Variants in BCKDHB observed in about 807,000 individuals in gnomAD.
The protein encoded by BCKDHB is branched chain keto acid dehydrogenase E1 subunit beta, also known as 2-oxoisovalerate dehydrogenase subunit beta, mitochondrial.
Under a neutral mutation model 48.5 loss-of-function variants are expected in BCKDHB, and 41 were observed. The observed-to-expected ratio is 0.85, with a 90% CI of 0.66 to 1.10. The LOEUF is 1.10. Ranked by LOEUF, BCKDHB falls within the 50% of genes least tolerant of loss-of-function variation. BCKDHB has a pLI of 0.00. For missense variants in BCKDHB, 496 were observed against 494.2 expected, an observed-to-expected ratio of 1.00 and a Z score of -0.03; for synonymous variants, 201 against 174.8, an observed-to-expected ratio of 1.15 and a Z score of -1.18.
chr6:80,454,406 T>C, the BCKDHB span, among the ~76,000 whole-genome samples: 6 of 152,154 alleles, frequency 3.9e-5, no homozygotes, highest in Admixed American at 3.3e-4. Flanking sequence ...GCTTGACAGA[T>C]TGGCCACACA....
the BCKDHB span, among the ~76,000 whole-genome samples, chr6:80,353,345 G>C: frequency 6.6e-6 from 1 of 152,126 alleles, no homozygotes; most frequent in Non-Finnish European, 1.5e-5. Flanking sequence ...ATAAACACAT[G>C]AGTGCAGGTA....
At chr6:80,416,822 G>A in the BCKDHB span, among the ~76,000 whole-genome samples, 1 of 150,062 alleles carries the variant, frequency 6.7e-6, no homozygotes, top group Non-Finnish European at 1.5e-5. Flanking sequence ...AGGTATTCTG[G>A]GTTTTTATTT....
chr6:80,318,747 CT>C lies in BCKDHB; in HGVS notation c.1039-24908del, dbSNP rs1350744279. On this transcript the variant is annotated intron_variant, in intron 9 of 9. Transcript: ENST00000320393. ...AAAAATTGTACTGAACATGTACAGA[CT>C]TTTTTTTTATTGTCATTGTTTCCTA... Among the ~76,000 whole-genome samples the C allele has an allele frequency of 5.1e-3, 755 of 147,788 alleles. 2 individuals are homozygous for C. Among genetic ancestry groups the C allele is most frequent in the African/African-American group, 9.8e-3 (396 of 40,260 alleles).
rs1297565925 is a variant in BCKDHB, at chr6:80,168,927, G to C, written c.530G>C (p.Cys177Ser). ...TATCGCTCTGGGGATCTTTTTAACT[G>C]TGGAAGCCTCACTATCCGGTCCCCT... is the stretch of plus-strand genomic sequence containing the variant. ...YRYRSGDLFNCGSLTIRSPWG... is the reference protein window; with the variant it reads ...YRYRSGDLFNSGSLTIRSPWG... Residue 177 changes from cysteine to serine, a missense_variant, in exon 5 of 10, where the codon TGT becomes TCT. Transcript: ENST00000320393. The C allele has an allele frequency of 6.2e-7, 1 of 1,614,054 alleles. No homozygotes were observed. Among genetic ancestry groups the C allele is most frequent in the African/African-American group, 1.3e-5 (1 of 74,930 alleles).
intron 9 of BCKDHB, among the ~76,000 whole-genome samples, chr6:80,323,898 G>C (rs1003200565): frequency 6.6e-6 from 1 of 151,946 alleles, no homozygotes; most frequent in Non-Finnish European, 1.5e-5. Context: ...TCAGCCTCCG[G>C]AGTAGCTGGG....
chr6:80,256,501 A>T (rs1777056792), intron 8 of BCKDHB, among the ~76,000 whole-genome samples: 1 of 152,256 alleles, frequency 6.6e-6, no homozygotes, highest in African/African-American at 2.4e-5. Flanking sequence ...CTACTATGGT[A>T]CATGTGGTCC....
At chr6:80,452,096 A>C in the BCKDHB span, among the ~76,000 whole-genome samples, 1 of 152,194 alleles carries the variant, frequency 6.6e-6, no homozygotes. Flanking sequence ...GAGTGGTCAC[A>C]ATATGGTACA....
chr6:80,248,924 G>GTGTA (rs1776726092), intron 8 of BCKDHB, among the ~76,000 whole-genome samples: 1 of 150,970 alleles, frequency 6.6e-6, no homozygotes, highest in Non-Finnish European at 1.5e-5. Flanking sequence ...GTGTGTGTGT[G>GTGTA]TGTGTATGTG....
intron 5 of BCKDHB, among the ~76,000 whole-genome samples, chr6:80,170,159 A>T (rs1267263072): frequency 6.6e-6 from 1 of 152,144 alleles, no homozygotes; most frequent in African/African-American, 2.4e-5. Context: ...ATTGTGTGAT[A>T]TGGTTATTAA....
intron 6 of BCKDHB, among the ~76,000 whole-genome samples, chr6:80,194,355 G>T (rs1039115109): frequency 6.6e-6 from 1 of 151,954 alleles, no homozygotes; most frequent in Non-Finnish European, 1.5e-5. Context: ...ACATAACCAC[G>T]GTAATATTGA....
At chr6:80,453,018 A>C in the BCKDHB span, 1 of 152,226 alleles carries the variant, frequency 6.6e-6, no homozygotes, top group Non-Finnish European at 1.5e-5. Context: ...TCAGAAAATC[A>C]CTATTATAAT....
At chr6:80,388,887 C>T in the BCKDHB span, among the ~76,000 whole-genome samples, 13 of 152,166 alleles carry the variant, frequency 8.5e-5, no homozygotes, top group African/African-American at 2.7e-4. Context: ...GGCAGAACTT[C>T]GAGCAGTGAA....
the BCKDHB span, among the ~76,000 whole-genome samples, chr6:80,464,417 G>A: frequency 1.6e-4 from 24 of 152,032 alleles, no homozygotes; most frequent in Non-Finnish European, 7.4e-5. Context: ...GTGAGCCACT[G>A]CACCCAGCCT....
chr6:80,442,628 A>C, the BCKDHB span, among the ~76,000 whole-genome samples: 1 of 152,108 alleles, frequency 6.6e-6, no homozygotes, highest in East Asian at 1.9e-4. Flanking sequence ...TGAGAGTGAG[A>C]GGATAGAGAA....
chr6:80,262,002 C>T (rs1777326945), intron 8 of BCKDHB, among the ~76,000 whole-genome samples: 1 of 152,122 alleles, frequency 6.6e-6, no homozygotes, highest in African/African-American at 2.4e-5. Flanking sequence ...TGGGAATCTC[C>T]TCAGGTTTCC....
At chr6:80,207,449 G>A (rs1317931015) in intron 8 of BCKDHB, among the ~76,000 whole-genome samples, 1 of 151,566 alleles carries the variant, frequency 6.6e-6, no homozygotes, top group Non-Finnish European at 1.5e-5. Flanking sequence ...AAAAATATTT[G>A]GTTAATCCAA....
At chr6:80,445,503 T>A in the BCKDHB span, among the ~76,000 whole-genome samples, 1 of 152,168 alleles carries the variant, frequency 6.6e-6, no homozygotes, top group Admixed American at 6.5e-5. Context: ...GAAGAATGAC[T>A]TACAAGGCAG....
the BCKDHB span, among the ~76,000 whole-genome samples, chr6:80,454,859 C>T: frequency 4.9e-3 from 746 of 152,292 alleles, 5 homozygotes; most frequent in South Asian, 9.1e-3. Flanking sequence ...CCAACTTGTC[C>T]TTCTTAATGA....
At chr6:80,210,612 A>T (rs192910944) in intron 8 of BCKDHB, among the ~76,000 whole-genome samples, 1 of 152,306 alleles carries the variant, frequency 6.6e-6, no homozygotes, top group Non-Finnish European at 1.5e-5. Context: ...AAGAAGCACT[A>T]TCTTCTGTTT....
Sources: allele counts gnomAD v4.1 joint callset (sites outside exome capture counted in the v4.1 genomes callset), GRCh38; gene constraint gnomAD v4.1.1; transcripts MANE v1.5; gene names NCBI Gene and HGNC (gene_info 2026-07-23, HGNC 2026-07-21).